Variants in KCNH1 observed in about 807,000 individuals in gnomAD.
The protein encoded by KCNH1 is voltage-gated delayed rectifier potassium channel KCNH1.
KCNH1 carries 27 observed loss-of-function variants against 69.2 expected under a neutral mutation model. That is an observed-to-expected ratio of 0.39 (90% CI 0.29 to 0.54). The LOEUF is 0.54. Among genes scored for constraint, KCNH1 ranks in the 20% least tolerant of loss-of-function variants. The probability of loss-of-function intolerance (pLI) is 0.68; values close to 1 mark genes in which losing one functional copy is unlikely to be tolerated. For missense variants in KCNH1, 798 were observed against 1,261.6 expected (o/e 0.63, Z 5.57); for synonymous variants, 456 against 487.7 (o/e 0.93, Z 0.86).
intron 9 of KCNH1, among the ~76,000 whole-genome samples, chr1:210,782,921 TTGTTTA>T (rs1246688025): frequency 1.3e-5 from 2 of 152,170 alleles, no homozygotes; most frequent in African/African-American, 4.8e-5. Flanking sequence ...TAAATTTCTG[TTGTTTA>T]TAAGCTACGC....
chr1:211,060,279 A>C (rs1001507796), intron 5 of KCNH1, among the ~76,000 whole-genome samples: 1 of 151,814 alleles, frequency 6.6e-6, no homozygotes, highest in African/African-American at 2.4e-5. Flanking sequence ...CATCAAAAGA[A>C]CAGAAAAACT....
rs71146244 is a variant in KCNH1, at chr1:210,735,421, AGTGTGTGTGTGTGTGT to A, written c.2112+39911_2112+39926del. ...TGATGTGTGAGTGAATGAGTGAGTG[AGTGTGTGTGTGTGTGT>A]GTGTGTGTGTGTGTGTGTGTGTGTG... On this transcript the variant is annotated intron_variant, in intron 10 of 10. Transcript: ENST00000271751. 6.4e-3 allele frequency among the ~76,000 whole-genome samples: 842 copies of A among 132,092 alleles called. 7 individuals are homozygous for A. Among genetic ancestry groups the A allele is most frequent in the African/African-American group, 0.021 (782 of 36,830 alleles). The allele number at this position is 132,092 out of a possible 152,430, so 86.7% of individuals were successfully genotyped here.
chr1:210,967,397 T>C (rs2102363120), intron 6 of KCNH1, among the ~76,000 whole-genome samples: 1 of 152,260 alleles, frequency 6.6e-6, no homozygotes, highest in Non-Finnish European at 1.5e-5. Context: ...TAAGGGGTTT[T>C]CCTAAAAGTT....
At chr1:210,784,155 A>G (rs1684047784) in intron 9 of KCNH1, among the ~76,000 whole-genome samples, 1 of 152,202 alleles carries the variant, frequency 6.6e-6, no homozygotes, top group Non-Finnish European at 1.5e-5. Flanking sequence ...TCTGTGCCTC[A>G]CCCCAATGGT....
At chr1:210,706,743 G>A (rs1460560488) in intron 10 of KCNH1, among the ~76,000 whole-genome samples, 4 of 152,310 alleles carry the variant, frequency 2.6e-5, no homozygotes, top group Admixed American at 6.5e-5. Context: ...CTAGCAATTC[G>A]TGCTAAGAAT....
At chr1:211,080,073 C>A (rs1209468611) in intron 5 of KCNH1, among the ~76,000 whole-genome samples, 1 of 152,154 alleles carries the variant, frequency 6.6e-6, no homozygotes, top group Non-Finnish European at 1.5e-5. Context: ...AAAACCCCAT[C>A]GTCTCAGCCC....
At position 211,032,224 on chromosome 1, in the gene KCNH1, A is replaced by C. The variant is rs537144307; in HGVS notation, c.559-12968T>G. On this transcript the variant is annotated intron_variant, in intron 5 of 10. Transcript: ENST00000271751. Reference sequence around the variant, plus strand: ...TACAAGGGATGTGAAGGACCTCTTCAAGGAGAACTACAAACCACTGCTCAG... The same window carrying C: ...TACAAGGGATGTGAAGGACCTCTTCCAGGAGAACTACAAACCACTGCTCAG... Among the ~76,000 whole-genome samples the C allele has an allele frequency of 3.9e-3, 588 of 152,344 alleles. 2 individuals are homozygous for C. The highest frequency in any genetic ancestry group is 0.014 in the African/African-American group (575 of 41,570).
At chr1:210,744,532 T>A (rs1683104519) in intron 10 of KCNH1, among the ~76,000 whole-genome samples, 1 of 151,928 alleles carries the variant, frequency 6.6e-6, no homozygotes, top group Non-Finnish European at 1.5e-5. Context: ...TAGTCCCAGC[T>A]ACTCAGGAGG....
chr1:210,948,056 A>AG (rs1340861580), intron 6 of KCNH1, among the ~76,000 whole-genome samples: 1 of 151,234 alleles, frequency 6.6e-6, no homozygotes, highest in Admixed American at 6.6e-5. Flanking sequence ...AAAAAAAAAA[A>AG]AAAGGAAAAA....
chr1:210,678,597 A>C lies in KCNH1; in HGVS notation c.*4684T>G, dbSNP rs1047864457. The C allele has an allele frequency of 3.0e-4, 46 of 152,192 alleles. No homozygotes were observed. Among genetic ancestry groups the C allele is most frequent in the African/African-American group, 1.0e-3 (43 of 41,438 alleles). 9.4% of individuals were successfully genotyped at this position (152,192 alleles called of 1,614,324 possible). On this transcript the variant is annotated 3_prime_UTR_variant, in exon 11 of 11. Transcript: ENST00000271751. Reference sequence around the variant, plus strand: ...AAAACCCAATAAAGGATTTGGCAGGACTCAATGGAAAGAGTATTAATATAA... The same window carrying C: ...AAAACCCAATAAAGGATTTGGCAGGCCTCAATGGAAAGAGTATTAATATAA...
At chr1:210,984,178 G>A (rs899947791) in intron 6 of KCNH1, among the ~76,000 whole-genome samples, 2 of 152,206 alleles carry the variant, frequency 1.3e-5, no homozygotes, top group Admixed American at 1.3e-4. Context: ...CAGCTGGGAA[G>A]ACAATGGGGT....
At chr1:210,930,181 T>C (rs557701234) in intron 6 of KCNH1, among the ~76,000 whole-genome samples, 26 of 152,024 alleles carry the variant, frequency 1.7e-4, no homozygotes, top group African/African-American at 5.8e-4. Flanking sequence ...GAAAAAACAA[T>C]CCTAAAATTC....
intron 1 of KCNH1, among the ~76,000 whole-genome samples, chr1:211,111,004 A>G (rs1558608758): frequency 1.3e-5 from 2 of 152,170 alleles, no homozygotes; most frequent in African/African-American, 4.8e-5. Flanking sequence ...TTTACATTAC[A>G]TTACAAGCTC....
intron 5 of KCNH1, among the ~76,000 whole-genome samples, chr1:211,026,357 A>C (rs951253640): frequency 6.7e-6 from 1 of 148,328 alleles, no homozygotes; most frequent in Non-Finnish European, 1.5e-5. Flanking sequence ...AGCAACCTGG[A>C]AACTCCAAGG....
chr1:210,859,799 C>T (rs984540114), intron 7 of KCNH1: 1 of 1,034,534 alleles, frequency 9.7e-7, no homozygotes, highest in Non-Finnish European at 1.5e-6. Context: ...TCATGAAGCC[C>T]CAAGAAACAG....
At chr1:210,956,845 G>A (rs1281309128) in intron 6 of KCNH1, among the ~76,000 whole-genome samples, 1 of 151,342 alleles carries the variant, frequency 6.6e-6, no homozygotes, top group Non-Finnish European at 1.5e-5. Context: ...CAATTTTGTT[G>A]ATCTTTTCAA....
chr1:211,041,515 A>C (rs369949279), intron 5 of KCNH1, among the ~76,000 whole-genome samples: 1 of 152,228 alleles, frequency 6.6e-6, no homozygotes, highest in Non-Finnish European at 1.5e-5. Flanking sequence ...TCACAACAGC[A>C]TGGCAGCAGC....
chr1:211,077,415 G>T (rs929778125), intron 5 of KCNH1, among the ~76,000 whole-genome samples: 2 of 152,192 alleles, frequency 1.3e-5, no homozygotes, highest in East Asian at 3.9e-4. Context: ...TCTCTCAGCA[G>T]AAACTCTTAC....
intron 9 of KCNH1, 38 bp from the exon 10 acceptor site, chr1:210,775,582 A>G: frequency 6.5e-7 from 1 of 1,547,470 alleles, no homozygotes; most frequent in Non-Finnish European, 8.9e-7. Flanking sequence ...AGTGTTGGCC[A>G]GGAGAGGTCT....
Sources: allele counts gnomAD v4.1 joint callset (sites outside exome capture counted in the v4.1 genomes callset), GRCh38; gene constraint gnomAD v4.1.1; transcripts MANE v1.5; gene names NCBI Gene and HGNC (gene_info 2026-07-23, HGNC 2026-07-21).